Variants in PICK1 observed in about 807,000 individuals in gnomAD.
The protein encoded by PICK1 is PRKCA-binding protein.
A neutral mutation model predicts 48.9 loss-of-function variants in PICK1; 23 were observed. The observed-to-expected ratio is 0.47, with a 90% CI of 0.34 to 0.67. The LOEUF is 0.67. Ranked by LOEUF, PICK1 falls within the 30% of genes least tolerant of loss-of-function variation. The pLI, the probability that PICK1 is intolerant of heterozygous loss-of-function variation, is 0.01. For synonymous variants in PICK1, 217 were observed against 228.2 expected (o/e 0.95, Z 0.44); for missense variants, 423 against 557.1 (o/e 0.76, Z 2.42).
chr22:38,068,191 A>G (rs1289921980), intron 5 of PICK1: 6 of 455,620 alleles, frequency 1.3e-5, no homozygotes, highest in South Asian at 4.7e-5. Context: ...CTCTCCTGCC[A>G]TCAGCTCCCA....
Position 38,074,264 on chromosome 22 carries a change from A to T in PICK1, c.835-43A>T, listed in dbSNP as rs1251168365. 2.2e-5 allele frequency: 36 copies of T among 1,609,750 alleles called. No individual in the cohort carries two copies. Among genetic ancestry groups the T allele is most frequent in the Non-Finnish European group, 3.0e-5 (35 of 1,177,996 alleles). On this transcript the variant is annotated intron_variant, in intron 11 of 12. Coordinates refer to ENST00000356976, the MANE Select transcript of PICK1 (RefSeq NM_012407.4). This position sits in a 1 kb window ranked among gnomAD's most constrained non-coding sequence, Gnocchi z 4.5. ...GGCTTTGAAAGCACAGTGCGGTGCG[A>T]GGCCGTCCCTGAGCAGGCACTCCTG...
At chr22:38,062,404 C>T (rs1026655917) in intron 3 of PICK1, among the ~76,000 whole-genome samples, 3 of 151,966 alleles carry the variant, frequency 2.0e-5, no homozygotes, top group Admixed American at 6.6e-5. Flanking sequence ...CGTGCCACCA[C>T]GCCTGGCTAA....
intron 2 of PICK1, 53 bp from the exon 3 acceptor site, chr22:38,059,181 G>C (rs537207449): frequency 7.4e-7 from 1 of 1,350,294 alleles, no homozygotes; most frequent in African/African-American, 1.4e-5. Flanking sequence ...GGGCCCACCC[G>C]CTCCAGTCAT....
At position 38,073,834 on chromosome 22, in the gene PICK1, GA is replaced by G; in HGVS notation, c.834+12del. On this transcript the variant is annotated intron_variant, in intron 11 of 12. Coordinates refer to ENST00000356976, the MANE Select transcript of PICK1 (RefSeq NM_012407.4). This position sits in a 1 kb window ranked among gnomAD's most constrained non-coding sequence, Gnocchi z 5.7. The stretch of plus-strand genomic sequence containing the variant: ...GAATACAGCTGCATTGTGAGTGTTG[GA>G]GGGGGTGGGGGGCTTGTACTTCCCC... 6.2e-7 allele frequency: 1 copy of G among 1,613,044 alleles called. No individual in the cohort carries two copies. The highest frequency in any genetic ancestry group is 8.5e-7 in the Non-Finnish European group (1 of 1,179,498).
intron 3 of PICK1, among the ~76,000 whole-genome samples, chr22:38,064,025 T>G (rs1349204732): frequency 6.6e-6 from 1 of 152,156 alleles, no homozygotes; most frequent in Non-Finnish European, 1.5e-5. Context: ...AACTTTTACA[T>G]TTAGGTCTTT....
intron 2 of PICK1, 56 bp downstream of exon 2, chr22:38,057,906 TC>T: frequency 1.5e-6 from 2 of 1,361,780 alleles, no homozygotes; most frequent in Non-Finnish European, 2.1e-6. Flanking sequence ...GTTCCTCATT[TC>T]CCTGGACTTC....
At chr22:38,070,708 C>T in intron 6 of PICK1, 130 bp from the exon 7 acceptor site, 1 of 791,736 alleles carries the variant, frequency 1.3e-6, no homozygotes, top group Non-Finnish European at 2.2e-6. Flanking sequence ...CCAAATCCCC[C>T]TCCCTGGGAC....
intron 2 of PICK1, chr22:38,058,277 A>G (rs1029418397): frequency 3.2e-5 from 8 of 246,748 alleles, no homozygotes; most frequent in Non-Finnish European, 5.7e-5. Context: ...AGTGGGTGCA[A>G]TGCCTTTCTC....
chr22:38,073,089 C>T lies in PICK1; in HGVS notation c.780C>T (p.Tyr260=). The T allele has an allele frequency of 1.2e-6, 2 of 1,603,720 alleles. No homozygotes were observed. The highest frequency in any genetic ancestry group is 1.1e-5 in the South Asian group (1 of 90,880). ...IKKYLDVKFE[Y]LSYCLKVKEM... ...AGTACCTGGACGTGAAGTTTGAGTA[C>T]CTGGTGAGTAGTCCAGGTGCCCAGG... Residue 260 remains tyrosine (Y), a synonymous_variant, in exon 10 of 13, where the codon TAC becomes TAT. Transcript: ENST00000356976. The surrounding 1 kb of genome is among the most constrained non-coding windows in gnomAD (Gnocchi z 5.7).
intron 5 of PICK1, chr22:38,068,047 G>T: frequency 1.8e-6 from 1 of 570,880 alleles, no homozygotes. Context: ...CTGGGGACTT[G>T]CTACCCTAGG....
rs202090294 is a variant in PICK1, at chr22:38,069,026, C to T, written c.350-7C>T. 1.1e-5 allele frequency: 18 copies of T among 1,610,430 alleles called. No individual in the cohort carries two copies. The highest frequency in any genetic ancestry group is 2.2e-5 in the East Asian group (1 of 44,746). ...CAGACTCACCAGGTCCTTTGTCCCCCGCTCAGTGTTGAAGAAAGTCAAGCA... is the reference window on the plus strand; with the variant it reads ...CAGACTCACCAGGTCCTTTGTCCCCTGCTCAGTGTTGAAGAAAGTCAAGCA... On this transcript the variant is annotated splice_polypyrimidine_tract_variant and splice_region_variant and intron_variant, in intron 5 of 12. Transcript: ENST00000356976.
In PICK1 at chr22:38,074,051, T is replaced by C. The variant is rs1049364591; in HGVS notation, c.834+228T>C. 2.5e-5 allele frequency: 16 copies of C among 632,570 alleles called. No homozygotes were observed. Among genetic ancestry groups the C allele is most frequent in the Non-Finnish European group, 5.5e-6 (2 of 363,468 alleles). The allele number at this position is 632,570 out of a possible 1,614,324, so 39.2% of individuals were successfully genotyped here. ...GGACTCTTGGAGGGAAATCGGATTTTCTTCACTCCTATGAGGCGCTTTTAA... is the reference window on the plus strand; with the variant it reads ...GGACTCTTGGAGGGAAATCGGATTTCCTTCACTCCTATGAGGCGCTTTTAA... On this transcript the variant is annotated intron_variant, in intron 11 of 12. Coordinates refer to ENST00000356976, the MANE Select transcript of PICK1 (RefSeq NM_012407.4). The surrounding 1 kb of genome is among the most constrained non-coding windows in gnomAD (Gnocchi z 4.5).
At chr22:38,058,326 T>C (rs1051226024) in intron 2 of PICK1, among the ~76,000 whole-genome samples, 1 of 152,126 alleles carries the variant, frequency 6.6e-6, no homozygotes, top group African/African-American at 2.4e-5. Flanking sequence ...CGTCAGTAGG[T>C]TGTTAGCGAA....
rs888015537 is a variant in PICK1, at chr22:38,074,073, TTAAG to T, written c.835-232_835-229del. ...TTTTCTTCACTCCTATGAGGCGCTT[TTAAG>T]TGTTTGATTTTTCTGCTGTCGGGAT... is the stretch of plus-strand genomic sequence containing the variant. On this transcript the variant is annotated intron_variant, in intron 11 of 12. Coordinates refer to ENST00000356976, the MANE Select transcript of PICK1 (RefSeq NM_012407.4). This position sits in a 1 kb window ranked among gnomAD's most constrained non-coding sequence, Gnocchi z 4.5. The T allele has an allele frequency of 4.8e-6, 3 of 629,904 alleles. No individual in the cohort carries two copies. The African/African-American group carries it at 5.5e-5, about 12-fold the overall frequency. The allele number at this position is 629,904 out of a possible 1,614,324, so 39.0% of individuals were successfully genotyped here.
chr22:38,060,473 G>T (rs890220107), intron 3 of PICK1, among the ~76,000 whole-genome samples: 7 of 152,212 alleles, frequency 4.6e-5, no homozygotes, highest in Admixed American at 3.9e-4. Flanking sequence ...CCCTCTCACT[G>T]GTGGCAGATG....
chr22:38,059,293 G>T lies in PICK1; in HGVS notation c.101G>T (p.Gly34Val). 6.3e-7 allele frequency: 1 copy of T among 1,579,016 alleles called. No individual in the cohort carries two copies. The highest frequency in any genetic ancestry group is 2.3e-5 in the East Asian group (1 of 42,756). Reference protein sequence around the residue: ...TLQKDAQNLIGISIGGGAQYC... With the variant: ...TLQKDAQNLIVISIGGGAQYC... ...CAGAAGGATGCTCAGAACCTGATCG[G>T]GATCAGCATTGGAGGAGGGGCCCAG... The change falls in exon 3 of 13, where the codon GGG becomes GTG. Residue 34 changes from glycine to valine, a missense_variant. By Grantham distance (109) the Gly-to-Val change is moderately radical. This residue lies in a region of PICK1 where 279 missense variants were observed against 417.8 expected (regional missense o/e 0.67). Transcript: ENST00000356976.
In PICK1 at chr22:38,075,096, G is replaced by A; in HGVS notation, c.1212G>A (p.Gly404=). 1 of 1,612,580 alleles carries A rather than the reference G, an allele frequency of 6.2e-7. No homozygotes were observed. The highest frequency in any genetic ancestry group is 8.5e-7 in the Non-Finnish European group (1 of 1,179,954). ...EPSRDTRGAA[G]PLDKGGSWCD... is the part of the protein sequence containing the mutation. ...CCAGGGATACACGAGGGGCTGCTGG[G>A]CCCTTGGACAAGGGTGGAAGCTGGT... is the stretch of plus-strand genomic sequence containing the variant. The change falls in exon 13 of 13, where the codon GGG becomes GGA. Residue 404 remains glycine (G), a synonymous_variant. Transcript: ENST00000356976.
intron 4 of PICK1, 50 bp downstream of exon 4, chr22:38,065,180 G>C: frequency 6.3e-7 from 1 of 1,583,734 alleles, no homozygotes; most frequent in Non-Finnish European, 8.6e-7. Flanking sequence ...ACATGTTTCT[G>C]AGACCTCCAG....
intron 3 of PICK1, among the ~76,000 whole-genome samples, chr22:38,063,166 T>G (rs1261814857): frequency 6.6e-6 from 1 of 151,982 alleles, no homozygotes; most frequent in Admixed American, 6.6e-5. Flanking sequence ...CTTAACTTTT[T>G]TTTTTTTTGA....
Sources: gnomAD v4.1 joint callset for allele counts (sites outside exome capture counted in the v4.1 genomes callset) on GRCh38, gnomAD v4.1.1 for gene constraint, gnomAD v4.1.1 regional missense constraint, Gnocchi (gnomAD v3.1) non-coding constraint, MANE v1.5 for transcripts, NCBI Gene and HGNC (gene_info 2026-07-23, HGNC 2026-07-21) for gene names.